GRID2IP: variants seen among roughly 807,000 people sequenced by gnomAD.
GRID2IP encodes Grid2 interacting protein, also known as delphilin.
In GRID2IP, 78 loss-of-function variants were observed where a neutral mutation model predicts 114.3. The ratio of observed to expected loss-of-function variants is 0.68; its 90% CI spans 0.57 to 0.82. GRID2IP has a LOEUF of 0.82. Among genes scored for constraint, GRID2IP ranks in the 40% least tolerant of loss-of-function variants. GRID2IP has a pLI of 0.00. For synonymous variants in GRID2IP, 809 were observed against 724.0 expected, an observed-to-expected ratio of 1.12 and a Z score of -1.89; for missense variants, 1,727 against 1,678.5, an observed-to-expected ratio of 1.03 and a Z score of -0.51.
In GRID2IP at chr7:6,531,203, C is replaced by A. The variant is rs565279891; in HGVS notation, c.585-4434G>T. 5.6e-5 allele frequency: 25 copies of A among 449,050 alleles called. No homozygotes were observed. The South Asian group carries it at 9.8e-4, about 18-fold the overall frequency. The allele number at this position is 449,050 out of a possible 1,614,324, so 27.8% of individuals were successfully genotyped here. On this transcript the variant is annotated intron_variant, in intron 2 of 21. Transcript: ENST00000457091. ...CGCGACTCCACGCACCTCTGCCCTG[C>A]GAGCGCGCGCGGCCCCTCCCGAGCC...
intron 1 of GRID2IP, among the ~76,000 whole-genome samples, chr7:6,548,248 G>A (rs980836985): frequency 3.3e-5 from 5 of 152,086 alleles, no homozygotes; most frequent in Non-Finnish European, 5.9e-5. Context: ...AGCTCCTTGG[G>A]AGGCTGAGCC....
Position 6,526,858 on chromosome 7 carries a change from G to A in GRID2IP, c.585-89C>T. 2 of 1,326,158 alleles carry A rather than the reference G, an allele frequency of 1.5e-6. No individual in the cohort carries two copies. The highest frequency in any genetic ancestry group is 1.9e-6 in the Non-Finnish European group (2 of 1,027,782). 82.1% of individuals were successfully genotyped at this position (1,326,158 alleles called of 1,614,324 possible). On this transcript the variant is annotated intron_variant, in intron 2 of 21. Coordinates refer to ENST00000457091, the MANE Select transcript of GRID2IP (RefSeq NM_001145118.2). This position sits in a 1 kb window ranked among gnomAD's most constrained non-coding sequence, Gnocchi z 7.6. ...CCGAAGGCGCGTCCTCGCGGGCGCC[G>A]CCCTAGGCTCTCCCACCTCTTCCTA...
chr7:6,523,249 T>A lies in GRID2IP; in HGVS notation c.920-1292A>T, dbSNP rs900828058. On this transcript the variant is annotated intron_variant, in intron 4 of 21. Transcript: ENST00000457091. The surrounding 1 kb of genome is among the most constrained non-coding windows in gnomAD (Gnocchi z 4.5). ...CTGTCCAGAGAAGAGAGGGAACAAT[T>A]AGGGAAGACTTCCCGGGAGAGGCGA... Among the ~76,000 whole-genome samples the A allele has an allele frequency of 6.6e-6, 1 of 152,182 alleles. No individual in the cohort carries two copies. The highest frequency in any genetic ancestry group is 1.5e-5 in the Non-Finnish European group (1 of 68,026).
chr7:6,539,641 C>G (rs1779782042), intron 2 of GRID2IP, 77 bp downstream of exon 2: 1 of 1,369,322 alleles, frequency 7.3e-7, no homozygotes, highest in Non-Finnish European at 9.8e-7. Flanking sequence ...GAAGGGGTGC[C>G]TGGGGTGGTT....
chr7:6,510,636 G>A lies in GRID2IP; in HGVS notation c.1626C>T (p.Ser542=). The A allele has an allele frequency of 6.5e-7, 1 of 1,537,804 alleles. No individual in the cohort carries two copies. Among genetic ancestry groups the A allele is most frequent in the Non-Finnish European group, 8.8e-7 (1 of 1,142,642 alleles). ...PGERQAGDGT[S]LPETPNPKMM... ...TCTTGGGGTTGGGGGTCTCAGGGAG[G>A]GACGTGCCGTCGCCTGCCTGGCGCT... The change falls in exon 10 of 22, where the codon TCC becomes TCT. Residue 542 remains serine, a synonymous_variant. Transcript: ENST00000457091.
intron 1 of GRID2IP, among the ~76,000 whole-genome samples, chr7:6,548,885 G>A (rs552236599): frequency 7.9e-5 from 12 of 151,026 alleles, no homozygotes; most frequent in Admixed American, 2.0e-4. Flanking sequence ...TGTCCCAGCC[G>A]CCAAGCAAAT....
At position 6,536,873 on chromosome 7, in the gene GRID2IP, T is replaced by C. The variant is rs1054310240; in HGVS notation, c.584+2845A>G. On this transcript the variant is annotated intron_variant, in intron 2 of 21. Coordinates refer to ENST00000457091, the MANE Select transcript of GRID2IP (RefSeq NM_001145118.2). This position sits in a 1 kb window ranked among gnomAD's most constrained non-coding sequence, Gnocchi z 5.3. Reference sequence around the variant, plus strand: ...GGCCTCTTTCGGTGGTGGTCGCCTATGCTCCGCTGCAGAGCCGAGAGCTGC... The same window carrying C: ...GGCCTCTTTCGGTGGTGGTCGCCTACGCTCCGCTGCAGAGCCGAGAGCTGC... 35 of 491,078 alleles carry C rather than the reference T, an allele frequency of 7.1e-5. No homozygotes were observed. Among genetic ancestry groups the C allele is most frequent in the African/African-American group, 6.2e-4 (29 of 46,842 alleles). 30.4% of individuals were successfully genotyped at this position (491,078 alleles called of 1,614,324 possible). A position where few individuals can be genotyped will look rare whatever the true frequency, so the allele number is the denominator to read the frequency against.
rs1228446215 is a variant in GRID2IP at position 6,532,684 on chromosome 7, C to G, written c.585-5915G>C. On this transcript the variant is annotated intron_variant, in intron 2 of 21. Transcript: ENST00000457091. The surrounding 1 kb of genome is among the most constrained non-coding windows in gnomAD (Gnocchi z 4.4). ...CACAGCTCTCTGTCGTCTGTGGGGC[C>G]CCAGCCATCCCATTATGATTGGAGC... Among the ~76,000 whole-genome samples, 1 of 152,228 alleles carries G rather than the reference C, an allele frequency of 6.6e-6. No individual in the cohort carries two copies. Among genetic ancestry groups the G allele is most frequent in the Non-Finnish European group, 1.5e-5 (1 of 68,044 alleles).
intron 4 of GRID2IP, 102 bp from the exon 5 acceptor site, chr7:6,522,059 C>A: frequency 2.1e-6 from 2 of 942,582 alleles, no homozygotes; most frequent in South Asian, 1.5e-5. Context: ...GACTCAGAGA[C>A]CCATAGCTTG....
At chr7:6,501,668 T>C in intron 20 of GRID2IP, 113 bp downstream of exon 20, 1 of 762,832 alleles carries the variant, frequency 1.3e-6, no homozygotes, top group East Asian at 2.7e-5. Context: ...GCAACCTGTG[T>C]CCAGAATCTC....
Position 6,519,618 on chromosome 7 carries a change from G to A in GRID2IP, c.1268+960C>T, listed in dbSNP as rs752685755. On this transcript the variant is annotated intron_variant, in intron 7 of 21. Transcript: ENST00000457091. The surrounding 1 kb of genome is among the most constrained non-coding windows in gnomAD (Gnocchi z 4.1). ...ACTAAAAGTACAAAATTAGCCAGGC[G>A]TGGTGGCATATGCCTGTAATCCCAG... is the stretch of plus-strand genomic sequence containing the variant. Among the ~76,000 whole-genome samples, 3 of 152,052 alleles carry A rather than the reference G, an allele frequency of 2.0e-5. No individual in the cohort carries two copies. Among genetic ancestry groups the A allele is most frequent in the Non-Finnish European group, 4.4e-5 (3 of 68,014 alleles).
intron 1 of GRID2IP, among the ~76,000 whole-genome samples, chr7:6,545,843 GC>G (rs1351895802): frequency 6.6e-6 from 1 of 152,088 alleles, no homozygotes; most frequent in East Asian, 1.9e-4. Flanking sequence ...AGCACCAGCC[GC>G]CCCCTCCCCA....
intron 1 of GRID2IP, among the ~76,000 whole-genome samples, chr7:6,543,197 C>G (rs113434220): frequency 8.3e-4 from 126 of 152,230 alleles, no homozygotes; most frequent in African/African-American, 2.8e-3. Flanking sequence ...GAGTTCGAGA[C>G]CAGCCTGGCC....
intron 1 of GRID2IP, among the ~76,000 whole-genome samples, chr7:6,542,800 C>T (rs1480321624): frequency 6.6e-6 from 1 of 152,102 alleles, no homozygotes; most frequent in Non-Finnish European, 1.5e-5. Flanking sequence ...TAAAAACCAT[C>T]GAATTGCCCA....
Position 6,509,519 on chromosome 7 carries a change from G to A in GRID2IP, c.1772-206C>T, listed in dbSNP as rs985527663. ...GATCTGGTGAGCAGGAGCACTGCTCGGCCTCAGGACAGGCTGGACGCCAGC... is the reference window on the plus strand; with the variant it reads ...GATCTGGTGAGCAGGAGCACTGCTCAGCCTCAGGACAGGCTGGACGCCAGC... On this transcript the variant is annotated intron_variant, in intron 11 of 21. Transcript: ENST00000457091. This position sits in a 1 kb window ranked among gnomAD's most constrained non-coding sequence, Gnocchi z 4.9. Among the ~76,000 whole-genome samples the A allele has an allele frequency of 5.9e-5, 9 of 152,268 alleles. No homozygotes were observed. The highest frequency in any genetic ancestry group is 2.2e-4 in the African/African-American group (9 of 41,556).
intron 8 of GRID2IP, among the ~76,000 whole-genome samples, chr7:6,512,104 A>G (rs1779180565): frequency 6.7e-6 from 1 of 148,890 alleles, no homozygotes. Context: ...TTAAGCAGAG[A>G]TGGGGTTTCA....
chr7:6,518,288 G>A (rs956117488), intron 7 of GRID2IP, among the ~76,000 whole-genome samples: 1 of 151,952 alleles, frequency 6.6e-6, no homozygotes, highest in African/African-American at 2.4e-5. Context: ...AGGACAAAAA[G>A]TCCAAGAAAA....
In GRID2IP at chr7:6,502,096, T is replaced by A. The variant is rs1288704572; in HGVS notation, c.3173A>T (p.Asp1058Val). 6.4e-7 allele frequency: 1 copy of A among 1,551,100 alleles called. No individual in the cohort carries two copies. The highest frequency in any genetic ancestry group is 1.4e-5 in the African/African-American group (1 of 72,952). Reference protein sequence around the residue: ...LTELNSTKTVDGKSTFLHILA... With the variant: ...LTELNSTKTVVGKSTFLHILA... Reference sequence around the variant, plus strand: ...GATGTGCAGGAAGGTGGACTTCCCATCCACTGTCTTGGTGGAGTTCAGCTG... The same window carrying A: ...GATGTGCAGGAAGGTGGACTTCCCAACCACTGTCTTGGTGGAGTTCAGCTG... Residue 1058 changes from aspartate to valine, a missense_variant, in exon 19 of 22, where the codon GAT becomes GTT. By Grantham distance (152) the Asp-to-Val change is radical. Transcript: ENST00000457091.
Position 6,520,698 on chromosome 7 carries a change from T to A in GRID2IP, c.1148A>T (p.Glu383Val). The A allele has an allele frequency of 6.4e-7, 1 of 1,551,608 alleles. No homozygotes were observed. The highest frequency in any genetic ancestry group is 8.7e-7 in the Non-Finnish European group (1 of 1,146,974). Residue 383 changes from glutamate (E) to valine (V), a missense_variant, in exon 7 of 22, where the codon GAG (glutamate) becomes GTG (valine). By Grantham distance (121) the Glu-to-Val change is moderately radical (BLOSUM62 -2). Transcript: ENST00000457091. The surrounding 1 kb of genome is among the most constrained non-coding windows in gnomAD (Gnocchi z 4.6). Reference sequence around the variant, plus strand: ...GACCCGGATGCTGGACGGCAGGATCTCCGCCACCCACTGCAGGGAGGTGAG... The same window carrying A: ...GACCCGGATGCTGGACGGCAGGATCACCGCCACCCACTGCAGGGAGGTGAG... The part of the protein sequence containing the change: ...SALTSLQWVA[E>V]ILPSSIRVQG...
Sources: allele counts gnomAD v4.1 joint callset (sites outside exome capture counted in the v4.1 genomes callset), GRCh38; gene constraint gnomAD v4.1.1; non-coding constraint Gnocchi (gnomAD v3.1); transcripts MANE v1.5; gene names NCBI Gene and HGNC (gene_info 2026-07-23, HGNC 2026-07-21).